Variants in CAPRIN2 observed in about 807,000 individuals in gnomAD.
CAPRIN2 encodes caprin-2.
In CAPRIN2, 66 loss-of-function variants were observed where a neutral mutation model predicts 130.4. The observed-to-expected ratio is 0.51, with a 90% CI of 0.42 to 0.62. The LOEUF is 0.62. Ranked by LOEUF, CAPRIN2 falls within the 20% of genes least tolerant of loss-of-function variation. The pLI is 0.00. For missense variants in CAPRIN2, 1,185 were observed against 1,246.6 expected (o/e 0.95, Z 0.74); for synonymous variants, 471 against 444.1 (o/e 1.06, Z -0.76).
At chr12:30,750,969 CTGTG>C (rs140578233) in intron 2 of CAPRIN2, 98 bp downstream of exon 3, 18 of 815,252 alleles carry the variant, frequency 2.2e-5, no homozygotes, top group African/African-American at 2.0e-4. Context: ...TGGATTTTAA[CTGTG>C]TGTGTGTGTG....
chr12:30,719,270 C>A (rs1402864268), intron 12 of CAPRIN2, 45 bp from the exon 14 acceptor site: 2 of 1,607,250 alleles, frequency 1.2e-6, no homozygotes, highest in East Asian at 2.2e-5. Context: ...TGCCATATAA[C>A]AAGCAGTTAA....
chr12:30,744,110 C>A (rs11051051), intron 2 of CAPRIN2, among the ~76,000 whole-genome samples: 2,386 of 152,280 alleles, frequency 0.016, 59 homozygotes, highest in African/African-American at 0.054. Flanking sequence ...TGAAACCACT[C>A]TCAGCTCTAC....
chr12:30,740,971 G>T, intron 3 of CAPRIN2, 49 bp downstream of exon 4: 1 of 1,085,210 alleles, frequency 9.2e-7, no homozygotes, highest in Non-Finnish European at 1.4e-6. Flanking sequence ...TTTTCTCCAA[G>T]ATCAGTGGTT....
chr12:30,753,937 C>T lies in CAPRIN2; in HGVS notation c.-174G>A. The T allele has an allele frequency of 4.9e-6, 3 of 613,222 alleles. No homozygotes were observed. In the South Asian group the frequency reaches 6.7e-5, roughly 14 times the overall value. The allele number at this position is 613,222 out of a possible 1,614,324, so 38.0% of individuals were successfully genotyped here. On this transcript the variant is annotated 5_prime_UTR_variant, in exon 1 of 17. Transcript: ENST00000298892. ...AGGGCAGATCACATTCTAAATAATT[C>T]CCATGGCCACGTGATGACACCAAAA...
chr12:30,718,037 T>C (rs2136785735), intron 12 of CAPRIN2, among the ~76,000 whole-genome samples: 1 of 152,256 alleles, frequency 6.6e-6, no homozygotes, highest in South Asian at 2.1e-4. Flanking sequence ...CCGGGTAGGA[T>C]TCAAACAGGC....
exon 1 of CAPRIN2, chr12:30,753,816 G>A (rs2075141309): frequency 6.7e-6 from 10 of 1,503,638 alleles, no homozygotes; most frequent in Non-Finnish European, 8.9e-6. Flanking sequence ...CCTTTACATA[G>A]GCAAAATCTC....
At chr12:30,752,958 T>C (rs2074709977) in intron 1 of CAPRIN2, among the ~76,000 whole-genome samples, 1 of 152,164 alleles carries the variant, frequency 6.6e-6, no homozygotes, top group Non-Finnish European at 1.5e-5. Context: ...GGTTAAACCT[T>C]CCAACGACTG....
chr12:30,728,117 AAAC>A (rs1234394565), intron 8 of CAPRIN2, among the ~76,000 whole-genome samples: 2 of 152,208 alleles, frequency 1.3e-5, no homozygotes, highest in East Asian at 1.9e-4. Context: ...TTTGGCATTA[AAAC>A]AACATTTTAT....
At chr12:30,750,455 T>C (rs1273700607) in intron 2 of CAPRIN2, among the ~76,000 whole-genome samples, 1 of 151,844 alleles carries the variant, frequency 6.6e-6, no homozygotes, top group East Asian at 1.9e-4. Flanking sequence ...ACAAATTACA[T>C]AAAATTTGCA....
At chr12:30,716,448 G>T in intron 13 of CAPRIN2, 60 bp downstream of exon 15, 1 of 1,450,190 alleles carries the variant, frequency 6.9e-7, no homozygotes, top group Non-Finnish European at 9.7e-7. Context: ...TCCTAGACTT[G>T]CTGTCCATTC....
intron 2 of CAPRIN2, among the ~76,000 whole-genome samples, chr12:30,750,802 T>C (rs1334054277): frequency 6.6e-6 from 1 of 152,214 alleles, no homozygotes; most frequent in African/African-American, 2.4e-5. Context: ...TTAACTTAAA[T>C]CTGTATGTTA....
At chr12:30,738,544 A>C (rs1400611285) in intron 3 of CAPRIN2, among the ~76,000 whole-genome samples, 3 of 152,238 alleles carry the variant, frequency 2.0e-5, no homozygotes, top group African/African-American at 7.2e-5. Flanking sequence ...AACAAAAGCA[A>C]AAACTGACAA....
exon 4 of CAPRIN2, chr12:30,735,189 C>T (rs781604934): frequency 6.2e-7 from 1 of 1,614,046 alleles, no homozygotes; most frequent in Non-Finnish European, 8.5e-7. Flanking sequence ...TCTGGGCCTT[C>T]TTTTGCGCTT....
At chr12:30,719,303 C>A (rs1241082371) in intron 12 of CAPRIN2, 78 bp from the exon 14 acceptor site, 39 of 1,512,052 alleles carry the variant, frequency 2.6e-5, no homozygotes, top group Non-Finnish European at 3.4e-5. Context: ...CCCAAACTGG[C>A]ATAAGTCAGC....
At chr12:30,724,490 T>C (rs956874115) in intron 9 of CAPRIN2, 39 bp from the exon 11 acceptor site, 2 of 1,332,660 alleles carry the variant, frequency 1.5e-6, no homozygotes, top group Non-Finnish European at 2.2e-6. Flanking sequence ...GAAACAGAGA[T>C]TACTCATTTA....
In CAPRIN2 at chr12:30,730,289, T is replaced by C. The variant is rs375168062; in HGVS notation, c.1061-7A>G. On this transcript the variant is annotated splice_polypyrimidine_tract_variant and splice_region_variant and intron_variant, in intron 6 of 16. Transcript: ENST00000298892. ...GCAAATTCCATTAGAGACTCTGGGA[T>C]GATAAAAAGAATCTGAATAAATACT... is the stretch of plus-strand genomic sequence containing the variant. The C allele has an allele frequency of 5.0e-6, 8 of 1,602,046 alleles. No individual in the cohort carries two copies. In the African/African-American group the frequency reaches 9.4e-5, roughly 19 times the overall value.
At position 30,751,151 on chromosome 12, in the gene CAPRIN2, G is replaced by C. The variant is rs140283368; in HGVS notation, c.421-18C>G. 1,790 of 1,600,234 alleles carry C rather than the reference G, an allele frequency of 1.1e-3. 40 individuals carry two copies. In the East Asian group the frequency reaches 0.033, roughly 30 times the overall value. ...AGTTTGAGCTACAAAAGAGAAACTT[G>C]TATCTACCATAGTCTGACATAAAAT... On this transcript the variant is annotated intron_variant, in intron 1 of 16. Coordinates refer to ENST00000298892, the Ensembl canonical transcript of CAPRIN2.
rs2073600420 is a variant in CAPRIN2, at chr12:30,751,137, C to T, written c.421-4G>A. On this transcript the variant is annotated splice_polypyrimidine_tract_variant and splice_region_variant and intron_variant, in intron 1 of 16. Transcript: ENST00000298892. ...CCTTATAATCCTCCAGTTTGAGCTA[C>T]AAAAGAGAAACTTGTATCTACCATA... The T allele has an allele frequency of 7.4e-6, 12 of 1,612,582 alleles. No homozygotes were observed. In the East Asian group the frequency reaches 2.7e-4, roughly 36 times the overall value.
rs774839850 is a variant in CAPRIN2, at chr12:30,731,529, G to A, written c.893-19C>T. 5.5e-5 allele frequency: 88 copies of A among 1,596,580 alleles called. No individual in the cohort carries two copies. Among genetic ancestry groups the A allele is most frequent in the Non-Finnish European group, 7.2e-5 (84 of 1,169,580 alleles). Reference sequence around the variant, plus strand: ...TGTTTGTCTAAGAAAGAGTGATTAAGACTTAATTGTCACATGACCTAATTG... The same window carrying A: ...TGTTTGTCTAAGAAAGAGTGATTAAAACTTAATTGTCACATGACCTAATTG... On this transcript the variant is annotated intron_variant, in intron 5 of 16. Transcript: ENST00000298892.
Sources: allele counts gnomAD v4.1 joint callset (sites outside exome capture counted in the v4.1 genomes callset), GRCh38; gene constraint gnomAD v4.1.1; transcripts MANE v1.5; gene names NCBI Gene and HGNC (gene_info 2026-07-23, HGNC 2026-07-21).